Variants in WDR12 observed in about 807,000 individuals in gnomAD.
WDR12 encodes the protein ribosome biogenesis protein WDR12.
In WDR12, 42 loss-of-function variants were observed where a neutral mutation model predicts 64.3. The observed-to-expected ratio is 0.65, with a 90% CI of 0.51 to 0.84. The LOEUF (loss-of-function observed/expected upper bound fraction) is 0.84, where lower values mean the gene tolerates loss of function less well. Ranked by LOEUF, WDR12 falls within the 40% of genes least tolerant of loss-of-function variation. The pLI is 0.00. For missense variants in WDR12, 469 were observed against 494.6 expected (o/e 0.95, Z 0.49); for synonymous variants, 158 against 173.3 (o/e 0.91, Z 0.70).
chr2:202,897,678 A>C (rs1418829661), intron 4 of WDR12, among the ~76,000 whole-genome samples: 2 of 148,502 alleles, frequency 1.3e-5, no homozygotes, highest in Admixed American at 1.4e-4. Flanking sequence ...TCACGAGGTC[A>C]GGAGATCGAG....
intron 8 of WDR12, among the ~76,000 whole-genome samples, chr2:202,888,728 T>C (rs562669978): frequency 6.6e-6 from 1 of 152,224 alleles, no homozygotes; most frequent in Middle Eastern, 3.2e-3. Flanking sequence ...CTTTGCTTTT[T>C]TTGAGACAAG....
At position 202,880,152 on chromosome 2, in the gene WDR12, C is replaced by G. The variant is rs1374719158; in HGVS notation, c.*708G>C. On this transcript the variant is annotated 3_prime_UTR_variant, in exon 13 of 13. Transcript: ENST00000261015. ...TTTCTCTATTACAATTTTCATTAAT[C>G]TTTTTGAATGCTTTTTTAAAATAGC... 2 of 152,144 alleles carry G rather than the reference C, an allele frequency of 1.3e-5. No individual in the cohort carries two copies. The highest frequency in any genetic ancestry group is 3.8e-4 in the East Asian group (2 of 5,206). The allele number at this position is 152,144 out of a possible 1,614,324, so 9.4% of individuals were successfully genotyped here.
chr2:202,884,168 T>C lies in WDR12; in HGVS notation c.988+30A>G, dbSNP rs752443048. 6.3e-6 allele frequency: 10 copies of C among 1,591,062 alleles called. No individual in the cohort carries two copies. In the African/African-American group the frequency reaches 1.1e-4, roughly 17 times the overall value. On this transcript the variant is annotated intron_variant, in intron 10 of 12. Transcript: ENST00000261015. ...ATGAGAAATAGATGTTATTCACACA[T>C]ATATTCCCCCAGTGGTTTACATGAC...
chr2:202,884,140 G>A (rs2105903129), intron 10 of WDR12, 58 bp downstream of exon 10: 1 of 1,549,750 alleles, frequency 6.5e-7, no homozygotes, highest in Non-Finnish European at 8.9e-7. Context: ...CATCTCCAGA[G>A]AGATGAGAAA....
intron 11 of WDR12, chr2:202,882,984 A>G: frequency 2.1e-6 from 1 of 473,862 alleles, no homozygotes; most frequent in Non-Finnish European, 3.7e-6. Flanking sequence ...TTATTATAAC[A>G]AATATATTCA....
At position 202,875,278 on chromosome 2, in the gene WDR12, G is replaced by A. The variant is rs1024663037; in HGVS notation, c.*5582C>T. 5 of 151,702 alleles carry A rather than the reference G, an allele frequency of 3.3e-5. No homozygotes were observed. The highest frequency in any genetic ancestry group is 3.5e-3 in the Middle Eastern group (1 of 288). 9.4% of individuals were successfully genotyped at this position (151,702 alleles called of 1,614,324 possible). On this transcript the variant is annotated 3_prime_UTR_variant, in exon 13 of 13. Transcript: ENST00000261015. ...CATTTATATACTATTACAGTAATACGTTTAGTGGCACGCTAAAATTGAAAT... is the reference window on the plus strand; with the variant it reads ...CATTTATATACTATTACAGTAATACATTTAGTGGCACGCTAAAATTGAAAT...
Position 202,896,075 on chromosome 2 carries a change from G to A in WDR12, c.599C>T (p.Ser200Leu). The A allele has an allele frequency of 6.2e-7, 1 of 1,611,308 alleles. No homozygotes were observed. The highest frequency in any genetic ancestry group is 8.5e-7 in the Non-Finnish European group (1 of 1,179,334). Reference sequence around the variant, plus strand: ...ATTCTAGCTACTTACTTTAGTTCCTGAGCCATCAACAGCTATAGAATCTAC... The same window carrying A: ...ATTCTAGCTACTTACTTTAGTTCCTAAGCCATCAACAGCTATAGAATCTAC... Reference protein sequence around the residue: ...GSVDSIAVDGSGTKFCSGSWD... With the variant: ...GSVDSIAVDGLGTKFCSGSWD... Residue 200 changes from serine (S) to leucine (L), a missense_variant, in exon 6 of 13, where the codon TCA becomes TTA. Ser to Leu is a moderately radical substitution (Grantham distance 145). Transcript: ENST00000261015.
intron 7 of WDR12, 131 bp from the exon 8 acceptor site, chr2:202,892,833 C>G (rs1171942716): frequency 1.5e-5 from 7 of 463,506 alleles, no homozygotes; most frequent in Non-Finnish European, 2.6e-5. Context: ...TATTCCTCAT[C>G]ATTTTGGTTA....
chr2:202,899,745 T>G, intron 3 of WDR12, 108 bp from the exon 4 acceptor site: 1 of 991,134 alleles, frequency 1.0e-6, no homozygotes, highest in Non-Finnish European at 1.5e-6. Flanking sequence ...TTCATATTAG[T>G]CCCCTTTATA....
At chr2:202,884,126 T>C (rs1431989127) in intron 10 of WDR12, 72 bp downstream of exon 10, 10 of 1,501,552 alleles carry the variant, frequency 6.7e-6, no homozygotes, top group Middle Eastern at 2.4e-4. Flanking sequence ...TTCCTTTTTT[T>C]GTACATCTCC....
chr2:202,908,840 T>C (rs559447947), intron 1 of WDR12, among the ~76,000 whole-genome samples: 10 of 152,294 alleles, frequency 6.6e-5, no homozygotes, highest in African/African-American at 2.2e-4. Context: ...TTGCAAATCA[T>C]GTATCTAATA....
intron 1 of WDR12, among the ~76,000 whole-genome samples, chr2:202,910,132 G>A (rs980619743): frequency 6.6e-6 from 1 of 152,076 alleles, no homozygotes; most frequent in Admixed American, 6.6e-5. Flanking sequence ...ACCTTTTGGA[G>A]GGCCTAAATT....
chr2:202,891,736 A>G (rs1358972167), intron 8 of WDR12, among the ~76,000 whole-genome samples: 1 of 152,250 alleles, frequency 6.6e-6, no homozygotes, highest in Admixed American at 6.5e-5. Context: ...CTATTAGAAA[A>G]TGAATGAAAA....
At chr2:202,892,851 G>T in intron 7 of WDR12, 149 bp from the exon 8 acceptor site, 1 of 416,338 alleles carries the variant, frequency 2.4e-6, no homozygotes, top group Middle Eastern at 6.5e-4. Flanking sequence ...TTAACAGAAA[G>T]TTATATATAA....
chr2:202,887,302 G>GCA (rs78395514), intron 8 of WDR12, among the ~76,000 whole-genome samples: 136,293 of 151,870 alleles, frequency 0.9, 61,653 homozygotes, highest in Non-Finnish European at 0.95. Flanking sequence ...GGGGTTACAG[G>GCA]TGCCCCACTG....
chr2:202,883,865 T>A (rs1251439120), intron 10 of WDR12, 124 bp from the exon 11 acceptor site: 4 of 957,728 alleles, frequency 4.2e-6, no homozygotes, highest in East Asian at 5.3e-5. Flanking sequence ...CAGGCTGGAG[T>A]GCAGTAGTGC....
At position 202,895,140 on chromosome 2, in the gene WDR12, A is replaced by G. The variant is rs1027002480; in HGVS notation, c.610-514T>C. The stretch of plus-strand genomic sequence containing the variant: ...TCAATATGAAAAATCATAAATCTTC[A>G]CCTTTGAATACAAGCATCCTGTTAC... On this transcript the variant is annotated intron_variant, in intron 6 of 12. Coordinates refer to ENST00000261015, the MANE Select transcript of WDR12 (RefSeq NM_018256.4). Among the ~76,000 whole-genome samples, 28 of 152,308 alleles carry G rather than the reference A, an allele frequency of 1.8e-4. No individual in the cohort carries two copies. In the South Asian group the frequency reaches 2.5e-3, roughly 14 times the overall value.
intron 3 of WDR12, among the ~76,000 whole-genome samples, chr2:202,900,324 G>A (rs1276536117): frequency 4.9e-5 from 7 of 142,572 alleles, no homozygotes; most frequent in African/African-American, 1.6e-4. Flanking sequence ...TGGAGACTCT[G>A]TCTCAGAAAA....
At position 202,894,611 on chromosome 2, in the gene WDR12, A is replaced by C; in HGVS notation, c.625T>G (p.Trp209Gly). 6.2e-7 allele frequency: 1 copy of C among 1,607,736 alleles called. No homozygotes were observed. Among genetic ancestry groups the C allele is most frequent in the Non-Finnish European group, 8.5e-7 (1 of 1,177,344 alleles). The change falls in exon 7 of 13, where the codon TGG becomes GGG. Residue 209 changes from tryptophan to glycine, a missense_variant. Physicochemically the swap from Trp to Gly is radical, Grantham distance 184. Coordinates refer to ENST00000261015, the MANE Select transcript of WDR12 (RefSeq NM_018256.4). ...GSGTKFCSGSWDKMLKIWSTV... is the reference protein window; with the variant it reads ...GSGTKFCSGSGDKMLKIWSTV... ...GACCAGATCTTTAGCATCTTATCCC[A>C]GGAGCCACTGCAAAACTAAACAGAT...
Sources: gnomAD v4.1 joint callset for allele counts (sites outside exome capture counted in the v4.1 genomes callset) on GRCh38, gnomAD v4.1.1 for gene constraint, MANE v1.5 for transcripts, NCBI Gene and HGNC (gene_info 2026-07-23, HGNC 2026-07-21) for gene names.